KIF21A: variants seen among roughly 807,000 people sequenced by gnomAD.
KIF21A encodes the protein kinesin family member 21A.
Under a neutral mutation model 202.9 loss-of-function variants are expected in KIF21A, and 114 were observed. The ratio of observed to expected loss-of-function variants is 0.56; its 90% CI spans 0.48 to 0.66. The LOEUF is 0.66. Ranked by LOEUF, KIF21A falls within the 30% of genes least tolerant of loss-of-function variation. The pLI, the probability that KIF21A is intolerant of heterozygous loss-of-function variation, is 0.00. For missense variants in KIF21A, 1,677 were observed against 1,994.9 expected (o/e 0.84, Z 3.04); for synonymous variants, 667 against 670.8 (o/e 0.99, Z 0.09).
intron 1 of KIF21A, among the ~76,000 whole-genome samples, chr12:39,372,798 T>C (rs1950043494): frequency 6.6e-6 from 1 of 152,114 alleles, no homozygotes; most frequent in Admixed American, 6.6e-5. Context: ...ACCACATTAC[T>C]TTTTACCACA....
chr12:39,393,284 C>T (rs1951504772), intron 1 of KIF21A, among the ~76,000 whole-genome samples: 2 of 152,130 alleles, frequency 1.3e-5, no homozygotes, highest in Non-Finnish European at 2.9e-5. Context: ...CAAATGAAGG[C>T]TGCTCCATGG....
intron 1 of KIF21A, among the ~76,000 whole-genome samples, chr12:39,372,696 A>AG (rs1592396481): frequency 6.6e-6 from 1 of 152,220 alleles, no homozygotes; most frequent in Admixed American, 6.5e-5. Flanking sequence ...AGCCCGTGGT[A>AG]GTAGCAGGTT....
At chr12:39,311,616 G>C (rs997510058) in intron 31 of KIF21A, 63 bp from the exon 32 acceptor site, 17 of 1,566,416 alleles carry the variant, frequency 1.1e-5, no homozygotes, top group Middle Eastern at 1.7e-4. Flanking sequence ...TATATCATGA[G>C]ACTAGTTTTG....
intron 11 of KIF21A, among the ~76,000 whole-genome samples, chr12:39,350,136 T>C (rs1481711863): frequency 6.6e-6 from 1 of 152,028 alleles, no homozygotes; most frequent in Non-Finnish European, 1.5e-5. Context: ...ATTATTTTCT[T>C]CACTTAGGCT....
intron 1 of KIF21A, among the ~76,000 whole-genome samples, chr12:39,389,640 C>G (rs972985535): frequency 6.6e-6 from 1 of 152,158 alleles, no homozygotes; most frequent in African/African-American, 2.4e-5. Context: ...ATATCTTTTC[C>G]ATTAAGCTCC....
At chr12:39,307,795 GA>G in intron 33 of KIF21A, 66 bp from the exon 34 acceptor site, 1 of 1,401,264 alleles carries the variant, frequency 7.1e-7, no homozygotes, top group Admixed American at 1.8e-5. Context: ...AGAATTCCTT[GA>G]ATTCCCAGGA....
chr12:39,297,365 A>G (rs1417146172), intron 37 of KIF21A, among the ~76,000 whole-genome samples: 2 of 152,210 alleles, frequency 1.3e-5, no homozygotes, highest in African/African-American at 4.8e-5. Context: ...AGACTGGATT[A>G]AGAAAATGTC....
intron 1 of KIF21A, among the ~76,000 whole-genome samples, chr12:39,438,713 A>G (rs537123421): frequency 2.0e-5 from 3 of 152,282 alleles, no homozygotes; most frequent in East Asian, 3.9e-4. Flanking sequence ...ATAACATAAA[A>G]ACACAAAGGT....
intron 1 of KIF21A, among the ~76,000 whole-genome samples, chr12:39,372,015 C>A (rs1949995482): frequency 6.7e-6 from 1 of 149,332 alleles, no homozygotes. Flanking sequence ...GTCTCATAGC[C>A]TTATTTTGTG....
chr12:39,301,541 C>T lies in KIF21A; in HGVS notation c.4870G>A (p.Gly1624Ser), dbSNP rs747732382. ...ATGGCATTGATAGGACTATCATGAC[C>T]CTTCATCTCTCCCACTGGCATAAAA... Reference protein sequence around the residue: ...DTFMPVGEMKGHDSPINAICV... With the variant: ...DTFMPVGEMKSHDSPINAICV... Residue 1624 changes from glycine to serine, a missense_variant, in exon 37 of 38, where the codon GGT becomes AGT. By Grantham distance (56) the Gly-to-Ser change is moderately conservative (BLOSUM62 0). This residue lies in a region of KIF21A where 705 missense variants were observed against 791.9 expected (regional missense o/e 0.89). Coordinates refer to ENST00000361418, the MANE Select transcript of KIF21A (RefSeq NM_001173464.2). 3.1e-6 allele frequency: 5 copies of T among 1,613,850 alleles called. No homozygotes were observed. The highest frequency in any genetic ancestry group is 3.3e-5 in the Admixed American group (2 of 59,994).
chr12:39,304,598 G>T (rs919817274), intron 35 of KIF21A, among the ~76,000 whole-genome samples: 2 of 152,144 alleles, frequency 1.3e-5, no homozygotes, highest in Admixed American at 1.3e-4. Context: ...AGTTAAAAGA[G>T]CTTTAAAATG....
intron 34 of KIF21A, 21 bp downstream of exon 34, chr12:39,307,544 T>C (rs368040875): frequency 2.2e-5 from 36 of 1,610,866 alleles, no homozygotes; most frequent in Non-Finnish European, 2.9e-5. Flanking sequence ...GCAAGAGGTA[T>C]GTTTTCTTAA....
intron 1 of KIF21A, among the ~76,000 whole-genome samples, chr12:39,413,608 T>C (rs530718659): frequency 5.9e-5 from 9 of 152,258 alleles, no homozygotes; most frequent in African/African-American, 1.9e-4. Context: ...AACTAAAAAA[T>C]GATACACATA....
intron 1 of KIF21A, among the ~76,000 whole-genome samples, chr12:39,403,212 C>A (rs1291077986): frequency 1.3e-5 from 2 of 152,052 alleles, no homozygotes; most frequent in African/African-American, 4.8e-5. Flanking sequence ...GGGCTCTATG[C>A]AAAACACTAG....
chr12:39,317,395 T>C (rs1418546378), intron 29 of KIF21A, among the ~76,000 whole-genome samples: 1 of 152,122 alleles, frequency 6.6e-6, no homozygotes, highest in Non-Finnish European at 1.5e-5. Flanking sequence ...AGTTAATAAA[T>C]ACCTTATGGC....
intron 30 of KIF21A, 75 bp downstream of exon 30, chr12:39,315,857 G>T: frequency 9.7e-7 from 1 of 1,033,448 alleles, no homozygotes; most frequent in Middle Eastern, 2.0e-4. Context: ...AATGAGACTT[G>T]CTTAGAATTT....
chr12:39,394,865 C>G (rs1033623933), intron 1 of KIF21A, among the ~76,000 whole-genome samples: 1 of 152,136 alleles, frequency 6.6e-6, no homozygotes, highest in Non-Finnish European at 1.5e-5. Context: ...CCATATATAT[C>G]GAAGGACAAC....
chr12:39,295,285 A>T (rs1450632750), intron 37 of KIF21A, among the ~76,000 whole-genome samples: 1 of 152,232 alleles, frequency 6.6e-6, no homozygotes, highest in South Asian at 2.1e-4. Flanking sequence ...GCAGGTGAAT[A>T]CTGGGGACCA....
chr12:39,400,442 C>G (rs973813536), intron 1 of KIF21A, among the ~76,000 whole-genome samples: 1 of 152,008 alleles, frequency 6.6e-6, no homozygotes, highest in Non-Finnish European at 1.5e-5. Flanking sequence ...CCTCCCCTCA[C>G]CCCAACCCCC....
Sources: allele counts gnomAD v4.1 joint callset (sites outside exome capture counted in the v4.1 genomes callset), GRCh38; gene constraint gnomAD v4.1.1; regional missense constraint gnomAD v4.1.1; transcripts MANE v1.5; gene names NCBI Gene and HGNC (gene_info 2026-07-23, HGNC 2026-07-21).